GREM2: variants seen among roughly 807,000 people sequenced by gnomAD.
GREM2 encodes the protein gremlin 2, DAN family BMP antagonist.
A neutral mutation model predicts 14.2 loss-of-function variants in GREM2; 11 were observed. That is an observed-to-expected ratio of 0.78 (90% CI 0.49 to 1.28). The LOEUF is 1.28. Ranked by LOEUF, GREM2 falls within the 50% of genes most tolerant of loss-of-function variation. GREM2 has a pLI of 0.00. For missense variants in GREM2, 210 were observed against 218.5 expected, an observed-to-expected ratio of 0.96 and a Z score of 0.24; for synonymous variants, 98 against 97.6, an observed-to-expected ratio of 1.00 and a Z score of -0.02.
chr1:240,578,314 T>C (rs1036692924), intron 1 of GREM2, among the ~76,000 whole-genome samples: 12 of 151,900 alleles, frequency 7.9e-5, no homozygotes, highest in East Asian at 2.0e-4. Flanking sequence ...TTAGTAGAGA[T>C]GGGGTTTTAC....
intron 1 of GREM2, among the ~76,000 whole-genome samples, chr1:240,575,443 G>A (rs1679349071): frequency 6.6e-6 from 1 of 152,084 alleles, no homozygotes; most frequent in Non-Finnish European, 1.5e-5. Context: ...TACATTTAAT[G>A]TGTTGCTGCA....
chr1:240,549,244 G>A (rs1678796685), intron 1 of GREM2, among the ~76,000 whole-genome samples: 1 of 151,808 alleles, frequency 6.6e-6, no homozygotes, highest in Admixed American at 6.6e-5. Flanking sequence ...GCCGAGGCAG[G>A]AGAATTGCTT....
intron 1 of GREM2, among the ~76,000 whole-genome samples, chr1:240,541,908 C>T (rs756572835): frequency 1.1e-4 from 17 of 152,240 alleles, no homozygotes; most frequent in Middle Eastern, 3.4e-3. Flanking sequence ...CAGTTGGCTG[C>T]GAGCAATGCC....
At chr1:240,564,980 T>A (rs1679148230) in intron 1 of GREM2, among the ~76,000 whole-genome samples, 1 of 152,188 alleles carries the variant, frequency 6.6e-6, no homozygotes. Context: ...TGTGTTGACT[T>A]CCTTTTTGTC....
At chr1:240,576,635 T>C (rs779183523) in intron 1 of GREM2, among the ~76,000 whole-genome samples, 9 of 152,310 alleles carry the variant, frequency 5.9e-5, no homozygotes, top group Admixed American at 3.9e-4. Flanking sequence ...GGCAGTCAGA[T>C]AACATAATTC....
At chr1:240,495,796 C>T (rs1288212499) in intron 1 of GREM2, among the ~76,000 whole-genome samples, 4 of 152,132 alleles carry the variant, frequency 2.6e-5, no homozygotes, top group African/African-American at 9.7e-5. Flanking sequence ...TAAGTCTAAA[C>T]CACAAGAGGC....
At chr1:240,547,532 T>TATAGACAGATAGATAGATAGATAGATAG (rs1553275860) in intron 1 of GREM2, among the ~76,000 whole-genome samples, 1 of 121,874 alleles carries the variant, frequency 8.2e-6, no homozygotes, top group African/African-American at 3.7e-5. Context: ...TATATATATA[T>TATAGACAGATAGATAGATAGATAGATAG]ATAGATAGAT....
rs536648763 is a variant in GREM2 at position 240,521,290 on chromosome 1, T to C, written c.-1-27814A>G. 7.2e-5 allele frequency among the ~76,000 whole-genome samples: 11 copies of C among 152,034 alleles called. No homozygotes were observed. In the East Asian group the frequency reaches 7.7e-4, roughly 11 times the overall value. ...TCTTAAAAAAATGAAACGGGAGGGG[T>C]GGGCGCGGTGGCTCACGCCTGTAAT... On this transcript the variant is annotated intron_variant, in intron 1 of 1. Coordinates refer to ENST00000318160, the MANE Select transcript of GREM2 (RefSeq NM_022469.4).
chr1:240,549,558 C>T (rs999057866), intron 1 of GREM2, among the ~76,000 whole-genome samples: 1 of 152,084 alleles, frequency 6.6e-6, no homozygotes, highest in African/African-American at 2.4e-5. Flanking sequence ...AAAACCGGTG[C>T]ATCTGAAAGT....
chr1:240,610,236 G>A (rs977947803), intron 1 of GREM2, among the ~76,000 whole-genome samples: 5 of 152,014 alleles, frequency 3.3e-5, no homozygotes, highest in African/African-American at 1.2e-4. Context: ...TAGTTGGGTC[G>A]ATTAACTTAT....
At chr1:240,609,103 G>A (rs563696010) in intron 1 of GREM2, among the ~76,000 whole-genome samples, 5 of 152,226 alleles carry the variant, frequency 3.3e-5, no homozygotes, top group Admixed American at 2.0e-4. Flanking sequence ...GTAATTAGAG[G>A]AAATACATTC....
chr1:240,603,966 G>A (rs968263134), intron 1 of GREM2, among the ~76,000 whole-genome samples: 1 of 151,402 alleles, frequency 6.6e-6, no homozygotes, highest in Non-Finnish European at 1.5e-5. Flanking sequence ...GAAACATGGT[G>A]CTGGCATCTT....
At chr1:240,583,281 C>T (rs1679527234) in intron 1 of GREM2, among the ~76,000 whole-genome samples, 1 of 152,070 alleles carries the variant, frequency 6.6e-6, no homozygotes, top group Admixed American at 6.6e-5. Flanking sequence ...AAATGCTCAG[C>T]CCAAGGAGAC....
intron 1 of GREM2, among the ~76,000 whole-genome samples, chr1:240,495,330 C>T (rs972783107): frequency 1.3e-5 from 2 of 152,056 alleles, no homozygotes. Context: ...CTAAAATGGA[C>T]ATGTAACAAT....
chr1:240,585,416 C>CAG (rs1679575406), intron 1 of GREM2, among the ~76,000 whole-genome samples: 1 of 152,018 alleles, frequency 6.6e-6, no homozygotes, highest in Non-Finnish European at 1.5e-5. Context: ...TTAACACAGA[C>CAG]TGCAGTCTCG....
intron 1 of GREM2, among the ~76,000 whole-genome samples, chr1:240,596,519 A>G (rs1227919437): frequency 6.6e-6 from 1 of 152,142 alleles, no homozygotes; most frequent in African/African-American, 2.4e-5. Context: ...CAACATGGTG[A>G]AACCCCATCT....
At chr1:240,527,677 A>G (rs758085260) in intron 1 of GREM2, among the ~76,000 whole-genome samples, 1 of 152,214 alleles carries the variant, frequency 6.6e-6, no homozygotes, top group Non-Finnish European at 1.5e-5. Context: ...TGTATTACAC[A>G]GCTAAACTAT....
intron 1 of GREM2, among the ~76,000 whole-genome samples, chr1:240,498,615 A>G (rs565137672): frequency 2.0e-5 from 3 of 152,252 alleles, no homozygotes; most frequent in African/African-American, 4.8e-5. Context: ...TTCGCTCATC[A>G]TCCCTGCACA....
intron 1 of GREM2, among the ~76,000 whole-genome samples, chr1:240,560,612 C>A (rs1024409963): frequency 1.3e-5 from 2 of 152,076 alleles, no homozygotes; most frequent in Non-Finnish European, 2.9e-5. Flanking sequence ...AAGAGGTGAA[C>A]CCTCGAGAAA....
Sources: gnomAD v4.1 joint callset for allele counts (sites outside exome capture counted in the v4.1 genomes callset) on GRCh38, gnomAD v4.1.1 for gene constraint, MANE v1.5 for transcripts, NCBI Gene and HGNC (gene_info 2026-07-23, HGNC 2026-07-21) for gene names.